PTGFRN: variants seen among roughly 807,000 people sequenced by gnomAD.
PTGFRN encodes the protein prostaglandin F2 receptor negative regulator.
A neutral mutation model predicts 83.2 loss-of-function variants in PTGFRN; 35 were observed. The ratio of observed to expected loss-of-function variants is 0.42; its 90% CI spans 0.32 to 0.56. The LOEUF is 0.56. Among genes scored for constraint, PTGFRN ranks in the 20% least tolerant of loss-of-function variants. PTGFRN has a pLI of 0.11. For missense variants in PTGFRN, 1,051 were observed against 1,179.5 expected (o/e 0.89, Z 1.60); for synonymous variants, 519 against 498.6 (o/e 1.04, Z -0.55).
chr1:116,983,884 C>A (rs1462942647), intron 7 of PTGFRN, among the ~76,000 whole-genome samples: 1 of 152,180 alleles, frequency 6.6e-6, no homozygotes, highest in Admixed American at 6.5e-5. Flanking sequence ...TGGTACCAGT[C>A]AAGGGAAGAG....
At chr1:116,913,016 A>G (rs1381113134) in intron 1 of PTGFRN, among the ~76,000 whole-genome samples, 2 of 152,118 alleles carry the variant, frequency 1.3e-5, no homozygotes, top group African/African-American at 2.4e-5. Flanking sequence ...CATCCACTCA[A>G]TGTGGCATTT....
intron 6 of PTGFRN, among the ~76,000 whole-genome samples, chr1:116,969,120 G>GC (rs1650920938): frequency 1.2e-4 from 16 of 137,228 alleles, no homozygotes. Context: ...CAGTTTATCT[G>GC]TTTTTTTTTT....
chr1:116,945,669 T>G (rs1458426873), intron 3 of PTGFRN, among the ~76,000 whole-genome samples: 1 of 151,524 alleles, frequency 6.6e-6, no homozygotes, highest in Non-Finnish European at 1.5e-5. Flanking sequence ...TGCTTTCCTG[T>G]ATCATACAGA....
intron 4 of PTGFRN, among the ~76,000 whole-genome samples, chr1:116,950,725 G>A (rs1650322193): frequency 6.6e-6 from 1 of 152,106 alleles, no homozygotes; most frequent in Admixed American, 6.5e-5. Context: ...GGGAGAAGAA[G>A]AGCAATGAGA....
intron 2 of PTGFRN, 104 bp from the exon 3 acceptor site, chr1:116,944,575 T>G: frequency 8.6e-7 from 1 of 1,164,784 alleles, no homozygotes; most frequent in Non-Finnish European, 1.1e-6. Context: ...GGTCTTGGAA[T>G]GGGAAAGGGA....
intron 1 of PTGFRN, among the ~76,000 whole-genome samples, chr1:116,940,034 C>G (rs1650021135): frequency 1.3e-5 from 2 of 152,164 alleles, no homozygotes; most frequent in South Asian, 2.1e-4. Context: ...CAACAAGTCT[C>G]TAGGAAGTTC....
intron 5 of PTGFRN, among the ~76,000 whole-genome samples, chr1:116,965,372 C>T (rs974077811): frequency 2.6e-5 from 4 of 152,188 alleles, no homozygotes; most frequent in East Asian, 1.9e-4. Flanking sequence ...CATCATAACT[C>T]GTTGTCGCCT....
chr1:116,974,112 TC>T, intron 6 of PTGFRN, 103 bp from the exon 7 acceptor site: 1 of 849,906 alleles, frequency 1.2e-6, no homozygotes, highest in South Asian at 1.7e-5. Flanking sequence ...CTAGACCAGT[TC>T]CCAGGGAAGA....
intron 1 of PTGFRN, among the ~76,000 whole-genome samples, chr1:116,913,955 G>A (rs1649337360): frequency 6.6e-6 from 1 of 152,206 alleles, no homozygotes. Context: ...AGTGTCAAAA[G>A]CATTACATCT....
rs367733402 is a variant in PTGFRN, at chr1:116,984,861, C to T, written c.2349C>T (p.Ser783=). Residue 783 remains serine, a synonymous_variant, in exon 8 of 9, where the codon TCC becomes TCT. Transcript: ENST00000393203. ...VLEFLLQVHG[S]EDQDFGNYYC... is the part of the protein sequence containing the mutation. ...AATTCTTGCTGCAAGTGCATGGCTCCGAGGACCAGGACTTTGGCAACTACT... is the reference window on the plus strand; with the variant it reads ...AATTCTTGCTGCAAGTGCATGGCTCTGAGGACCAGGACTTTGGCAACTACT... 9.9e-6 allele frequency: 16 copies of T among 1,614,108 alleles called. No homozygotes were observed. The East Asian group carries it at 1.1e-4, about 11-fold the overall frequency.
chr1:116,953,447 T>C, intron 4 of PTGFRN, among the ~76,000 whole-genome samples: 1 of 152,166 alleles, frequency 6.6e-6, no homozygotes, highest in Non-Finnish European at 1.5e-5. Flanking sequence ...TAGTCCTCCT[T>C]CTAGGTATGT....
At chr1:116,922,858 A>G (rs911848354) in intron 1 of PTGFRN, among the ~76,000 whole-genome samples, 1 of 152,224 alleles carries the variant, frequency 6.6e-6, no homozygotes, top group East Asian at 1.9e-4. Flanking sequence ...AAACGACTGG[A>G]AGATAGATGC....
At chr1:116,936,427 T>A (rs2101060314) in intron 1 of PTGFRN, among the ~76,000 whole-genome samples, 1 of 152,358 alleles carries the variant, frequency 6.6e-6, no homozygotes, top group East Asian at 1.9e-4. Flanking sequence ...TGTTCATATC[T>A]GCTTTACTTT....
chr1:116,944,610 C>T (rs1650138400), intron 2 of PTGFRN, 69 bp from the exon 3 acceptor site: 1 of 1,314,166 alleles, frequency 7.6e-7, no homozygotes, highest in South Asian at 2.4e-5. Context: ...GTGGTTGCAG[C>T]GGTGGGCTGG....
Position 116,967,264 on chromosome 1 carries a change from G to A in PTGFRN, c.1993G>A (p.Gly665Ser). 6.2e-7 allele frequency: 1 copy of A among 1,614,182 alleles called. No homozygotes were observed. Among genetic ancestry groups the A allele is most frequent in the South Asian group, 1.1e-5 (1 of 91,078 alleles). The change falls in exon 6 of 9, where the codon GGC (glycine) becomes AGC (serine). Residue 665 changes from glycine to serine, a missense_variant. Around this residue, in one of 3 missense-constraint regions of PTGFRN, gnomAD observed 719 missense variants for 836.6 expected, o/e 0.86. Transcript: ENST00000393203. The stretch of plus-strand genomic sequence containing the variant: ...GGTGACAGCCTGGTCTCCTGTCAGG[G>A]GCAGCCTTTGGCGAGAAGCAGCAAC... ...CMVTAWSPVR[G>S]SLWREAATSL... is the part of the protein sequence containing the mutation.
Position 116,987,518 on chromosome 1 carries a change from A to G in PTGFRN, c.*551A>G, listed in dbSNP as rs1015682051. ...CCACCCCCTGTTTTCAGGGGTTTAG[A>G]CTACATTTGAAATCCAAACTTGGAG... On this transcript the variant is annotated 3_prime_UTR_variant, in exon 9 of 9. Transcript: ENST00000393203. 1 of 150,492 alleles carries G rather than the reference A, an allele frequency of 6.6e-6. No individual in the cohort carries two copies. The highest frequency in any genetic ancestry group is 1.5e-5 in the Non-Finnish European group (1 of 68,056). 9.3% of individuals were successfully genotyped at this position (150,492 alleles called of 1,614,324 possible).
chr1:116,971,538 A>G (rs1171773099), intron 6 of PTGFRN, among the ~76,000 whole-genome samples: 1 of 152,194 alleles, frequency 6.6e-6, no homozygotes, highest in Non-Finnish European at 1.5e-5. Flanking sequence ...TCCCCTCACA[A>G]AAACAGAATT....
chr1:116,913,301 A>G (rs1293480992), intron 1 of PTGFRN, among the ~76,000 whole-genome samples: 1 of 152,196 alleles, frequency 6.6e-6, no homozygotes, highest in East Asian at 1.9e-4. Flanking sequence ...GAAAGAAAGG[A>G]TAGAAGAGCA....
chr1:116,924,991 C>A (rs915247633), intron 1 of PTGFRN, among the ~76,000 whole-genome samples: 2 of 152,146 alleles, frequency 1.3e-5, no homozygotes, highest in African/African-American at 4.8e-5. Context: ...TCTGCCTGAG[C>A]TGGGGGCTGA....
Sources: gnomAD v4.1 joint callset for allele counts (sites outside exome capture counted in the v4.1 genomes callset) on GRCh38, gnomAD v4.1.1 for gene constraint, gnomAD v4.1.1 regional missense constraint, MANE v1.5 for transcripts, NCBI Gene and HGNC (gene_info 2026-07-23, HGNC 2026-07-21) for gene names.